Variants in RPL39L observed in about 807,000 individuals in gnomAD.
RPL39L encodes the protein ribosomal protein eL39-like 2.
For missense variants in RPL39L, 48 were observed against 58.9 expected, an observed-to-expected ratio of 0.81 and a Z score of 0.61; for synonymous variants, 16 against 20.1, an observed-to-expected ratio of 0.80 and a Z score of 0.55.
chr3:187,122,287 C>G (rs1238279008), intron 2 of RPL39L, among the ~76,000 whole-genome samples: 2 of 152,178 alleles, frequency 1.3e-5, no homozygotes, highest in Non-Finnish European at 2.9e-5. Flanking sequence ...AAAATAATGT[C>G]TACATCTCAG....
intron 1 of RPL39L, among the ~76,000 whole-genome samples, chr3:187,133,349 C>G (rs1451709181): frequency 6.6e-6 from 1 of 152,070 alleles, no homozygotes; most frequent in Non-Finnish European, 1.5e-5. Context: ...CTCATGAGAT[C>G]TGATGGTTTA....
intron 2 of RPL39L, among the ~76,000 whole-genome samples, chr3:187,125,109 G>A (rs993542778): frequency 1.3e-5 from 2 of 152,124 alleles, no homozygotes; most frequent in Non-Finnish European, 2.9e-5. Flanking sequence ...CTACATCCCA[G>A]ACAACAAAAC....
intron 1 of RPL39L, among the ~76,000 whole-genome samples, chr3:187,137,657 T>C (rs1720607492): frequency 6.6e-6 from 1 of 151,894 alleles, no homozygotes; most frequent in South Asian, 2.1e-4. Context: ...ACCCCGTCTT[T>C]ACTAAAAATA....
At chr3:187,136,392 T>G (rs1160712237) in intron 1 of RPL39L, among the ~76,000 whole-genome samples, 5 of 151,878 alleles carry the variant, frequency 3.3e-5, no homozygotes, top group African/African-American at 1.2e-4. Flanking sequence ...AGTTCACTTA[T>G]GCAAAACTGG....
intron 1 of RPL39L, among the ~76,000 whole-genome samples, chr3:187,133,871 G>A (rs1211012190): frequency 6.6e-6 from 1 of 152,178 alleles, no homozygotes; most frequent in Admixed American, 6.5e-5. Context: ...TAACTACTGA[G>A]TAAGCTGATT....
intron 1 of RPL39L, among the ~76,000 whole-genome samples, chr3:187,130,941 T>G (rs945758107): frequency 1.3e-5 from 2 of 152,226 alleles, no homozygotes; most frequent in Non-Finnish European, 2.9e-5. Context: ...CACAACTGTC[T>G]CTGTATTTCA....
chr3:187,138,199 C>T (rs1269595207), intron 1 of RPL39L, among the ~76,000 whole-genome samples: 2 of 152,106 alleles, frequency 1.3e-5, no homozygotes, highest in Non-Finnish European at 2.9e-5. Context: ...AGAATTAAGG[C>T]CAGGCCCAGT....
chr3:187,125,834 C>T (rs1306478653), intron 2 of RPL39L, among the ~76,000 whole-genome samples: 1 of 151,954 alleles, frequency 6.6e-6, no homozygotes, highest in Non-Finnish European at 1.5e-5. Context: ...TAGACTGAGC[C>T]CCTAGTGTTT....
At position 187,121,289 on chromosome 3, in the gene RPL39L, G is replaced by A. The variant is rs1322908720; in HGVS notation, c.12C>T (p.His4=). MSS[H]KTFTIKRFLA... ...GGAATCGCTTAATGGTGAAAGTCTTGTGAGAAGACATGGCGAGAAACAGAG... is the reference window on the plus strand; with the variant it reads ...GGAATCGCTTAATGGTGAAAGTCTTATGAGAAGACATGGCGAGAAACAGAG... Residue 4 remains histidine (H), a synonymous_variant, in exon 3 of 3, where the codon CAC becomes CAT. Transcript: ENST00000296277. 1.2e-6 allele frequency: 2 copies of A among 1,614,026 alleles called. No individual in the cohort carries two copies. Among genetic ancestry groups the A allele is most frequent in the Admixed American group, 3.3e-5 (2 of 60,006 alleles).
chr3:187,128,128 C>T lies in RPL39L; in HGVS notation c.-92-66G>A, dbSNP rs143247743. 2.6e-5 allele frequency: 4 copies of T among 152,238 alleles called. No homozygotes were observed. The South Asian group carries it at 8.3e-4, about 32-fold the overall frequency. The allele number at this position is 152,238 out of a possible 1,614,324, so 9.4% of individuals were successfully genotyped here. A position where few individuals can be genotyped will look rare whatever the true frequency, so the allele number is the denominator to read the frequency against. ...TCCTACTATTTTCAGTTAAACCTTA[C>T]CTGTGGGTGAAAATAATGTTCATCA... On this transcript the variant is annotated intron_variant, in intron 1 of 2. Transcript: ENST00000296277.
intron 1 of RPL39L, among the ~76,000 whole-genome samples, chr3:187,134,741 T>G (rs558296259): frequency 3.3e-5 from 5 of 152,230 alleles, no homozygotes; most frequent in African/African-American, 1.2e-4. Flanking sequence ...TAGTTAAAAA[T>G]CTTGTAACAA....
chr3:187,121,453 C>T, intron 2 of RPL39L, 125 bp from the exon 3 acceptor site: 3 of 893,248 alleles, frequency 3.4e-6, no homozygotes, highest in Non-Finnish European at 5.1e-6. Context: ...CATTGCCACT[C>T]AGGATCCCAC....
rs78737789 is a variant in RPL39L at position 187,134,997 on chromosome 3, A to T, written c.-93+4216T>A. 5.7e-3 allele frequency among the ~76,000 whole-genome samples: 873 copies of T among 152,352 alleles called. 16 individuals carry two copies. Among genetic ancestry groups the T allele is most frequent in the East Asian group, 0.052 (272 of 5,182 alleles). Reference sequence around the variant, plus strand: ...GACCTTTGCATGTTGGGTGAAAGGGAAGCCTCAGAAAGGCAGTAATTTGAG... The same window carrying T: ...GACCTTTGCATGTTGGGTGAAAGGGTAGCCTCAGAAAGGCAGTAATTTGAG... On this transcript the variant is annotated intron_variant, in intron 1 of 2. Transcript: ENST00000296277.
chr3:187,124,124 C>T (rs1720358490), intron 2 of RPL39L, among the ~76,000 whole-genome samples: 2 of 152,054 alleles, frequency 1.3e-5, no homozygotes, highest in African/African-American at 2.4e-5. Context: ...TAGGAATTGC[C>T]CCACACATCT....
chr3:187,122,451 ACTGT>A (rs1052994721), intron 2 of RPL39L, among the ~76,000 whole-genome samples: 5 of 151,978 alleles, frequency 3.3e-5, no homozygotes, highest in African/African-American at 7.2e-5. Context: ...ACTGTTTCTG[ACTGT>A]CTGAGTTCAC....
At chr3:187,126,338 A>AT (rs1016387564) in intron 2 of RPL39L, among the ~76,000 whole-genome samples, 1 of 151,500 alleles carries the variant, frequency 6.6e-6, no homozygotes, top group Non-Finnish European at 1.5e-5. Context: ...ATTTTTTTAT[A>AT]TTTTTTGTAG....
chr3:187,120,989 C>G lies in RPL39L; in HGVS notation c.*156G>C. On this transcript the variant is annotated 3_prime_UTR_variant, in exon 3 of 3. Coordinates refer to ENST00000296277, the MANE Select transcript of RPL39L (RefSeq NM_052969.3). ...TTTCACATATTTATTACTGAATCCA[C>G]CCTACTAGCACAGAGCATACAGAAA... is the stretch of plus-strand genomic sequence containing the variant. The G allele has an allele frequency of 1.3e-6, 1 of 758,496 alleles. No individual in the cohort carries two copies. Among genetic ancestry groups the G allele is most frequent in the Non-Finnish European group, 2.2e-6 (1 of 462,068 alleles). 47.0% of individuals were successfully genotyped at this position (758,496 alleles called of 1,614,324 possible).
intron 1 of RPL39L, among the ~76,000 whole-genome samples, chr3:187,129,188 A>T (rs913065548): frequency 1.1e-4 from 16 of 152,250 alleles, no homozygotes; most frequent in African/African-American, 3.4e-4. Flanking sequence ...CTGCAATTTC[A>T]AGATAATATA....
intron 2 of RPL39L, among the ~76,000 whole-genome samples, chr3:187,124,936 A>T (rs1367861197): frequency 6.6e-6 from 1 of 152,244 alleles, no homozygotes; most frequent in Non-Finnish European, 1.5e-5. Flanking sequence ...TTGACTGAGC[A>T]ACCTCAGCAA....
Sources: gnomAD v4.1 joint callset for allele counts (sites outside exome capture counted in the v4.1 genomes callset) on GRCh38, gnomAD v4.1.1 for gene constraint, MANE v1.5 for transcripts, NCBI Gene and HGNC (gene_info 2026-07-23, HGNC 2026-07-21) for gene names.